Variants in MTUS1 observed in about 807,000 individuals in gnomAD.
The protein encoded by MTUS1 is microtubule-associated tumor suppressor 1.
A neutral mutation model predicts 120.8 loss-of-function variants in MTUS1; 109 were observed. The observed-to-expected ratio is 0.90, with a 90% CI of 0.77 to 1.06. The LOEUF is 1.06. Among genes scored for constraint, MTUS1 ranks in the 50% least tolerant of loss-of-function variants. The probability of loss-of-function intolerance (pLI) is 0.00; values close to 1 mark genes in which losing one functional copy is unlikely to be tolerated. For synonymous variants in MTUS1, 737 were observed against 550.5 expected (o/e 1.34, Z -4.74); for missense variants, 2,210 against 1,486.3 (o/e 1.49, Z -8.01).
intron 3 of MTUS1, among the ~76,000 whole-genome samples, chr8:17,730,484 T>TAA (rs1563282310): frequency 2.5e-5 from 2 of 81,472 alleles, no homozygotes; most frequent in African/African-American, 8.2e-5. Context: ...GACTCTGTCT[T>TAA]TAAAAAAAAA....
intron 4 of MTUS1, among the ~76,000 whole-genome samples, chr8:17,719,153 G>A (rs182439878): frequency 6.6e-6 from 1 of 151,954 alleles, no homozygotes; most frequent in African/African-American, 2.4e-5. Context: ...CTGGGCAACA[G>A]AGTGAGACTC....
intron 6 of MTUS1, among the ~76,000 whole-genome samples, chr8:17,708,273 G>C (rs1347322651): frequency 6.6e-6 from 1 of 152,178 alleles, no homozygotes; most frequent in Admixed American, 6.5e-5. Context: ...AAATGACCCA[G>C]TTTAAAACTG....
intron 7 of MTUS1, among the ~76,000 whole-genome samples, chr8:17,679,159 A>T (rs1172385524): frequency 6.6e-6 from 1 of 151,882 alleles, no homozygotes; most frequent in African/African-American, 2.4e-5. Flanking sequence ...GAAGGCTCTA[A>T]AGCCATTTAG....
At chr8:17,709,905 G>A (rs1247763121) in intron 6 of MTUS1, among the ~76,000 whole-genome samples, 1 of 151,916 alleles carries the variant, frequency 6.6e-6, no homozygotes, top group Non-Finnish European at 1.5e-5. Context: ...TACTCGGGAG[G>A]CTGAGGCAGG....
At chr8:17,667,457 A>C (rs1238020534) in intron 8 of MTUS1, among the ~76,000 whole-genome samples, 3 of 152,264 alleles carry the variant, frequency 2.0e-5, no homozygotes, top group South Asian at 4.1e-4. Context: ...ACAGTGAATG[A>C]ATCAACACAT....
chr8:17,655,916 G>C lies in MTUS1; in HGVS notation c.3055C>G (p.Arg1019Gly), dbSNP rs201623386. The part of the protein sequence containing the change: ...EFYTREYEKL[R>G]DTYIEEAEKY... ...TCTGCTTCTTCAATGTAAGTGTCCC[G>C]AAGCTTTTCATACTCCCTGGTGTAA... The change falls in exon 9 of 15, where the codon CGG becomes GGG. Residue 1019 changes from arginine (R) to glycine (G), a missense_variant. Arg to Gly is a moderately radical substitution (Grantham distance 125, BLOSUM62 -2). Coordinates refer to ENST00000693296, the MANE Select transcript of MTUS1 (RefSeq NM_001363059.2). 6 of 1,614,138 alleles carry C rather than the reference G, an allele frequency of 3.7e-6. No homozygotes were observed. The highest frequency in any genetic ancestry group is 3.3e-5 in the South Asian group (3 of 91,080).
chr8:17,674,216 T>TG (rs978595913), intron 8 of MTUS1, among the ~76,000 whole-genome samples: 8 of 151,990 alleles, frequency 5.3e-5, no homozygotes, highest in Admixed American at 5.2e-4. Context: ...GGTCAAGAGA[T>TG]GGAGACCCTC....
chr8:17,723,774 G>C lies in MTUS1; in HGVS notation c.2347C>G (p.Pro783Ala), dbSNP rs2046004607. Residue 783 changes from proline to alanine, a missense_variant, in exon 4 of 15, where the codon CCT (proline) becomes GCT (alanine). Coordinates refer to ENST00000693296, the MANE Select transcript of MTUS1 (RefSeq NM_001363059.2). ...CTTTTCAAAGATGCTTTGGATTTAGGAAGTGGTCTAGGCAAATTCACCCAT... is the reference window on the plus strand; with the variant it reads ...CTTTTCAAAGATGCTTTGGATTTAGCAAGTGGTCTAGGCAAATTCACCCAT... ...SSWVNLPRPL[P>A]KSKASLKSPA... 4 of 1,610,182 alleles carry C rather than the reference G, an allele frequency of 2.5e-6. No homozygotes were observed. The highest frequency in any genetic ancestry group is 3.4e-6 in the Non-Finnish European group (4 of 1,177,432).
At chr8:17,707,436 G>A (rs1241213302) in intron 6 of MTUS1, among the ~76,000 whole-genome samples, 3 of 152,122 alleles carry the variant, frequency 2.0e-5, no homozygotes, top group African/African-American at 4.8e-5. Flanking sequence ...CCATCGAGAA[G>A]AACCTGGGAA....
chr8:17,659,705 A>G (rs936894326), intron 8 of MTUS1, among the ~76,000 whole-genome samples: 2 of 152,306 alleles, frequency 1.3e-5, no homozygotes, highest in South Asian at 4.1e-4. Context: ...TCAAAAACAA[A>G]AACAAAAAAA....
rs563864912 is a variant in MTUS1, at chr8:17,713,583, T to TA, written c.2585-332dup. ...GTACTGAATTCACAGACTGTGCACA[T>TA]ATGCCATTCTGCTGCCGGGAGAGCA... On this transcript the variant is annotated intron_variant, in intron 5 of 14. Coordinates refer to ENST00000693296, the MANE Select transcript of MTUS1 (RefSeq NM_001363059.2). Among the ~76,000 whole-genome samples, 362 of 152,306 alleles carry TA rather than the reference T, an allele frequency of 2.4e-3. 2 individuals are homozygous for TA. The highest frequency in any genetic ancestry group is 2.9e-3 in the Non-Finnish European group (194 of 68,024).
rs1458176132 is a variant in MTUS1, at chr8:17,684,486, G to C, written c.2680C>G (p.Pro894Ala). The C allele has an allele frequency of 9.3e-6, 15 of 1,614,194 alleles. No individual in the cohort carries two copies. Among genetic ancestry groups the C allele is most frequent in the Admixed American group, 1.7e-5 (1 of 60,028 alleles). Reference sequence around the variant, plus strand: ...GTTTTCTCAGGGGGCAGCGCATCGGGAGCTGTCTGTGGCTGGATACATAAG... The same window carrying C: ...GTTTTCTCAGGGGGCAGCGCATCGGCAGCTGTCTGTGGCTGGATACATAAG... ...RSLCIQPQTA[P>A]DALPPEKTLE... The change falls in exon 7 of 15, where the codon CCC becomes GCC. Residue 894 changes from proline to alanine, a missense_variant. Pro to Ala is a conservative substitution (Grantham distance 27). Transcript: ENST00000693296.
chr8:17,697,852 T>G (rs1563221874), intron 6 of MTUS1: 3 of 435,620 alleles, frequency 6.9e-6, no homozygotes, highest in Non-Finnish European at 9.2e-6. Flanking sequence ...AGAAAAAAAT[T>G]AGGATTTCCT....
chr8:17,727,173 G>T (rs139707796), intron 3 of MTUS1, among the ~76,000 whole-genome samples: 6 of 152,238 alleles, frequency 3.9e-5, no homozygotes, highest in African/African-American at 1.4e-4. Flanking sequence ...CTTGACTAAT[G>T]AGCAATGAGG....
At chr8:17,762,930 T>C (rs2049156548) in intron 1 of MTUS1, among the ~76,000 whole-genome samples, 1 of 151,990 alleles carries the variant, frequency 6.6e-6, no homozygotes, top group African/African-American at 2.4e-5. Flanking sequence ...GAGAAACACC[T>C]GTCCAGTTGA....
chr8:17,680,489 A>T (rs1003821708), intron 7 of MTUS1, among the ~76,000 whole-genome samples: 6 of 136,648 alleles, frequency 4.4e-5, no homozygotes, highest in Non-Finnish European at 9.7e-5. Flanking sequence ...AAAAAAAAAA[A>T]AAAAAAAGCG....
intron 3 of MTUS1, among the ~76,000 whole-genome samples, chr8:17,733,339 A>G (rs2046719265): frequency 6.6e-6 from 1 of 151,124 alleles, no homozygotes; most frequent in Admixed American, 6.6e-5. Context: ...CGACACAGCA[A>G]GACTGTGCCT....
At chr8:17,772,219 G>A (rs1312659091) in intron 1 of MTUS1, among the ~76,000 whole-genome samples, 1 of 152,056 alleles carries the variant, frequency 6.6e-6, no homozygotes, top group African/African-American at 2.4e-5. Flanking sequence ...TCAGAACATC[G>A]TATGTATTAA....
chr8:17,769,198 T>TG (rs2049813775), intron 1 of MTUS1, among the ~76,000 whole-genome samples: 1 of 150,828 alleles, frequency 6.6e-6, no homozygotes, highest in African/African-American at 2.4e-5. Context: ...AGAATTCTGA[T>TG]TCCTCAAGTT....
Sources: gnomAD v4.1 joint callset for allele counts (sites outside exome capture counted in the v4.1 genomes callset) on GRCh38, gnomAD v4.1.1 for gene constraint, MANE v1.5 for transcripts, NCBI Gene and HGNC (gene_info 2026-07-23, HGNC 2026-07-21) for gene names.